The following SPG7 variants were observed in gnomAD, a reference collection of about 807,000 sequenced individuals.
SPG7 encodes mitochondrial inner membrane m-AAA protease component paraplegin.
Under a neutral mutation model 81.9 loss-of-function variants are expected in SPG7, and 103 were observed. The observed-to-expected ratio is 1.26, with a 90% CI of 1.07 to 1.48. SPG7 has a LOEUF of 1.48. Ranked by LOEUF, SPG7 falls within the 40% of genes most tolerant of loss-of-function variation. The pLI is 0.00. For missense variants in SPG7, 1,241 were observed against 1,087.3 expected, an observed-to-expected ratio of 1.14 and a Z score of -1.99; for synonymous variants, 534 against 444.2, an observed-to-expected ratio of 1.20 and a Z score of -2.54.
intron 6 of SPG7, chr16:89,530,473 A>T (rs1296982309): frequency 1.6e-6 from 1 of 636,498 alleles, no homozygotes; most frequent in South Asian, 1.8e-5. Flanking sequence ...AAATTGCTAG[A>T]TAAGTTTCTT....
In SPG7 at chr16:89,550,581, T is replaced by C; in HGVS notation, c.1751T>C (p.Met584Thr). The C allele has an allele frequency of 6.2e-7, 1 of 1,613,852 alleles. No individual in the cohort carries two copies. ...TCGGGCCACGCCTTGGTGGGCTGGA[T>C]GCTGGAGCACACGGAGGCCGTGATG... ...HESGHALVGWMLEHTEAVMKV... is the reference protein window; with the variant it reads ...HESGHALVGWTLEHTEAVMKV... The change falls in exon 13 of 17, where the codon ATG becomes ACG. Residue 584 changes from methionine (M) to threonine (T), a missense_variant. Transcript: ENST00000645818.
At position 89,524,144 on chromosome 16, in the gene SPG7, A is replaced by G; in HGVS notation, c.515A>G (p.His172Arg). ...AGCATTTCCTGGAACGACTTTGTCCACGAGATGCTGGCCAAGGGCGAGGTG... is the reference window on the plus strand; with the variant it reads ...AGCATTTCCTGGAACGACTTTGTCCGCGAGATGCTGGCCAAGGGCGAGGTG... The part of the protein sequence containing the change: ...GGSISWNDFV[H>R]EMLAKGEVQR... Residue 172 changes from histidine (H) to arginine (R), a missense_variant, in exon 4 of 17, where the codon CAC becomes CGC. By Grantham distance (29) the His-to-Arg change is conservative. Coordinates refer to ENST00000645818, the MANE Select transcript of SPG7 (RefSeq NM_003119.4). 2.5e-6 allele frequency: 4 copies of G among 1,614,124 alleles called. No homozygotes were observed. Among genetic ancestry groups the G allele is most frequent in the Non-Finnish European group, 3.4e-6 (4 of 1,180,028 alleles).
intron 5 of SPG7, chr16:89,527,194 A>T (rs1482950961): frequency 6.5e-6 from 1 of 154,210 alleles, no homozygotes; most frequent in Non-Finnish European, 1.4e-5. Flanking sequence ...AGATACATTC[A>T]TTCTGTGCTT....
At chr16:89,526,290 C>G (rs1195039498) in intron 4 of SPG7, 39 bp from the exon 5 acceptor site, 1 of 1,612,840 alleles carries the variant, frequency 6.2e-7, no homozygotes, top group Admixed American at 1.7e-5. Flanking sequence ...TCGTCTGTCC[C>G]TGCGTTTCTC....
intron 3 of SPG7, 90 bp from the exon 4 acceptor site, chr16:89,523,916 C>G (rs906905265): frequency 6.5e-7 from 1 of 1,543,644 alleles, no homozygotes; most frequent in Non-Finnish European, 8.8e-7. Flanking sequence ...CCCTCCCCGT[C>G]CAGCTGAGCT....
chr16:89,516,952 T>C (rs537335656), intron 3 of SPG7: 1 of 152,232 alleles, frequency 6.6e-6, no homozygotes, highest in East Asian at 1.9e-4. Flanking sequence ...AGAGAAAATA[T>C]ATTTCCTATT....
Position 89,523,287 on chromosome 16 carries a change from G to A in SPG7, c.377-719G>A, listed in dbSNP as rs115749576. On this transcript the variant is annotated intron_variant, in intron 3 of 16. Transcript: ENST00000645818. ...TTTTTAAGTTCTATTTTCAGATGTT[G>A]TGATAACCTACAACTTTCTGTTAAA... 2.0e-3 allele frequency: 450 copies of A among 228,030 alleles called. 3 individuals carry two copies. The highest frequency in any genetic ancestry group is 9.4e-3 in the African/African-American group (413 of 43,832). The allele number at this position is 228,030 out of a possible 1,614,324, so 14.1% of individuals were successfully genotyped here. A position where few individuals can be genotyped will look rare whatever the true frequency, so the allele number is the denominator to read the frequency against.
chr16:89,524,079 T>C lies in SPG7; in HGVS notation c.450T>C (p.Val150=), dbSNP rs774473370. The C allele has an allele frequency of 6.8e-6, 11 of 1,613,290 alleles. No homozygotes were observed. In the South Asian group the frequency reaches 1.1e-4, roughly 16 times the overall value. The change falls in exon 4 of 17, where the codon GTT becomes GTC. Residue 150 remains valine, a synonymous_variant. Transcript: ENST00000645818. ...TGCGCACCTTGCTGGTCATCGCGGT[T>C]GTCATGAGCCTCCTGAATGCTCTCA... ...ERLRTLLVIA[V]VMSLLNALST... is the part of the protein sequence containing the mutation.
At chr16:89,516,410 G>A (rs920560210) in intron 3 of SPG7, among the ~76,000 whole-genome samples, 6 of 152,076 alleles carry the variant, frequency 3.9e-5, no homozygotes, top group Non-Finnish European at 8.8e-5. Context: ...AAATTAGCCA[G>A]GTGTGGTGTA....
chr16:89,550,878 CGTG>C (rs1316399525), intron 13 of SPG7, among the ~76,000 whole-genome samples: 6 of 152,128 alleles, frequency 3.9e-5, no homozygotes, highest in African/African-American at 1.4e-4. Flanking sequence ...TGGGGTGACT[CGTG>C]GAAGGTTACA....
intron 11 of SPG7, 171 bp from the exon 12 acceptor site, chr16:89,547,832 C>G (rs2058583317): frequency 3.1e-6 from 2 of 653,038 alleles, no homozygotes; most frequent in Admixed American, 2.2e-5. Flanking sequence ...AGGCTGGTCT[C>G]AAACTCCTGA....
intron 9 of SPG7, among the ~76,000 whole-genome samples, chr16:89,534,990 C>G (rs1479735264): frequency 6.6e-6 from 1 of 152,222 alleles, no homozygotes; most frequent in Non-Finnish European, 1.5e-5. Flanking sequence ...CCTGCCTCAG[C>G]CTCCCGAGTA....
At chr16:89,548,481 C>T (rs540814886) in intron 12 of SPG7, 54 of 302,454 alleles carry the variant, frequency 1.8e-4, no homozygotes, top group African/African-American at 8.6e-4. Flanking sequence ...GAGCTCCAGC[C>T]GCTGACTGTG....
chr16:89,543,748 G>C (rs1272188829), intron 9 of SPG7: 1 of 151,018 alleles, frequency 6.6e-6, no homozygotes, highest in Non-Finnish European at 1.5e-5. Flanking sequence ...CCGCCTCCCA[G>C]GTTCAAGCGA....
intron 1 of SPG7, among the ~76,000 whole-genome samples, chr16:89,509,312 A>G (rs979341764): frequency 8.0e-5 from 12 of 150,754 alleles, no homozygotes; most frequent in African/African-American, 2.2e-4. Context: ...CTGGAGTGCA[A>G]TGGTCTTGGC....
chr16:89,514,351 C>T (rs568914300), intron 3 of SPG7: 110 of 108,794 alleles, frequency 1.0e-3, no homozygotes, highest in African/African-American at 3.8e-3. Context: ...GCCAGAATCT[C>T]ACTCTGTTGC....
intron 12 of SPG7, 66 bp from the exon 13 acceptor site, chr16:89,550,428 C>T: frequency 1.7e-6 from 2 of 1,159,580 alleles, no homozygotes; most frequent in Middle Eastern, 1.9e-4. Flanking sequence ...CCGCCTTGGC[C>T]TCCCACAGCG....
intron 3 of SPG7, chr16:89,523,338 G>A: frequency 3.8e-6 from 1 of 266,408 alleles, no homozygotes; most frequent in South Asian, 3.9e-5. Context: ...TGAGTAAAAA[G>A]TTCAGAATGG....
chr16:89,530,666 T>G lies in SPG7; in HGVS notation c.862-17T>G. 6.2e-7 allele frequency: 1 copy of G among 1,614,070 alleles called. No homozygotes were observed. Among genetic ancestry groups the G allele is most frequent in the Non-Finnish European group, 8.5e-7 (1 of 1,179,996 alleles). On this transcript the variant is annotated splice_polypyrimidine_tract_variant and intron_variant, in intron 6 of 16. Transcript: ENST00000645818. ...CTGACTTCGCCCAGCTCCTTGCACT[T>G]TGTTCTTTCTGCACAGAATCAGCTT...
Sources: allele counts gnomAD v4.1 joint callset (sites outside exome capture counted in the v4.1 genomes callset), GRCh38; gene constraint gnomAD v4.1.1; transcripts MANE v1.5; gene names NCBI Gene and HGNC (gene_info 2026-07-23, HGNC 2026-07-21).